SLCO1C1: variants seen among roughly 807,000 people sequenced by gnomAD.
SLCO1C1 encodes OAT-RP-5.
SLCO1C1 carries 70 observed loss-of-function variants against 76.4 expected under a neutral mutation model. The observed-to-expected ratio is 0.92, with a 90% CI of 0.76 to 1.12. The LOEUF is 1.12. Among genes scored for constraint, SLCO1C1 ranks in the 50% most tolerant of loss-of-function variants. The pLI is 0.00. For synonymous variants in SLCO1C1, 306 were observed against 286.1 expected, an observed-to-expected ratio of 1.07 and a Z score of -0.70; for missense variants, 912 against 823.8, an observed-to-expected ratio of 1.11 and a Z score of -1.31.
chr12:20,718,922 G>T (rs185410644), intron 7 of SLCO1C1, among the ~76,000 whole-genome samples: 1 of 152,042 alleles, frequency 6.6e-6, no homozygotes, highest in Non-Finnish European at 1.5e-5. Context: ...TACAGACATA[G>T]CTTGTTTTAT....
intron 3 of SLCO1C1, among the ~76,000 whole-genome samples, chr12:20,705,541 C>T (rs2120636172): frequency 6.6e-6 from 1 of 151,722 alleles, no homozygotes; most frequent in East Asian, 1.9e-4. Flanking sequence ...ATGTGTAGTC[C>T]ATGAGCAATT....
intron 2 of SLCO1C1, 113 bp from the exon 3 acceptor site, chr12:20,701,205 G>C: frequency 9.4e-7 from 1 of 1,058,398 alleles, no homozygotes; most frequent in Non-Finnish European, 1.3e-6. Context: ...TAATAAAGTT[G>C]ATATTATACA....
chr12:20,703,951 GTGTC>G (rs1054890116), intron 3 of SLCO1C1, among the ~76,000 whole-genome samples: 5 of 119,066 alleles, frequency 4.2e-5, no homozygotes, highest in African/African-American at 9.0e-5. Flanking sequence ...TATCTCGAGT[GTGTC>G]TGTGTGTGTG....
chr12:20,715,337 T>C (rs757224295), intron 6 of SLCO1C1, 52 bp downstream of exon 6: 3 of 1,596,402 alleles, frequency 1.9e-6, no homozygotes, highest in Non-Finnish European at 2.6e-6. Flanking sequence ...GGGTGTCTAG[T>C]TTTCTGAATT....
chr12:20,717,543 T>A (rs1947423106), intron 7 of SLCO1C1, among the ~76,000 whole-genome samples: 1 of 151,632 alleles, frequency 6.6e-6, no homozygotes, highest in African/African-American at 2.4e-5. Context: ...TCTTATTGGC[T>A]TCAGGTGTGT....
intron 14 of SLCO1C1, among the ~76,000 whole-genome samples, chr12:20,751,997 G>A (rs974041): frequency 0.45 from 69,093 of 151,882 alleles, 17,222 homozygotes; most frequent in East Asian, 0.6. Flanking sequence ...TACTGGGCCA[G>A]CACTAGCATA....
At position 20,737,172 on chromosome 12, in the gene SLCO1C1, C is replaced by G; in HGVS notation, c.1448C>G (p.Ser483Ter). 1 of 1,564,998 alleles carries G rather than the reference C, an allele frequency of 6.4e-7. No individual in the cohort carries two copies. Among genetic ancestry groups the G allele is most frequent in the Non-Finnish European group, 8.6e-7 (1 of 1,162,062 alleles). Residue 483 changes from serine to a stop codon, truncating the protein, a stop_gained, in exon 11 of 15, where the codon TCA becomes TGA. Transcript: ENST00000266509. LOFTEE classifies it high-confidence loss of function. Reference protein sequence around the residue: ...FSDCNSRCKCSETKWEPMCGE... With the variant: ...FSDCNSRCKC Reference sequence around the variant, plus strand: ...GATTGCAACTCAAGATGCAAATGTTCAGAGACAAAATGGGAACCCATGTGC... The same window carrying G: ...GATTGCAACTCAAGATGCAAATGTTGAGAGACAAAATGGGAACCCATGTGC...
intron 11 of SLCO1C1, among the ~76,000 whole-genome samples, chr12:20,739,556 A>G (rs1358521377): frequency 3.3e-5 from 5 of 152,100 alleles, no homozygotes; most frequent in Non-Finnish European, 7.4e-5. Flanking sequence ...GCCAGGTTTG[A>G]GGGGATGTTT....
At chr12:20,748,279 A>G (rs1949139500) in intron 13 of SLCO1C1, among the ~76,000 whole-genome samples, 1 of 152,222 alleles carries the variant, frequency 6.6e-6, no homozygotes, top group Non-Finnish European at 1.5e-5. Context: ...AATTTAAATT[A>G]CAATGAATAA....
Position 20,740,805 on chromosome 12 carries a change from A to ATATATATATATATATATATATATT in SLCO1C1, c.1733+450_1733+451insATATATATATTTATATATATATAT. Among the ~76,000 whole-genome samples the ATATATATATATATATATATATATT allele has an allele frequency of 1.6e-5, 2 of 128,518 alleles. 1 individual carries two copies. Among genetic ancestry groups the ATATATATATATATATATATATATT allele is most frequent in the Non-Finnish European group, 3.3e-5 (2 of 59,998 alleles). 84.3% of individuals were successfully genotyped at this position (128,518 alleles called of 152,430 possible). A position where few individuals can be genotyped will look rare whatever the true frequency, so the allele number is the denominator to read the frequency against. On this transcript the variant is annotated intron_variant, in intron 12 of 14. Transcript: ENST00000266509. ...ATTTTATTTATATATATATATATAT[A>ATATATATATATATATATATATATT]TATATATATATATGGCTTTATCTGT...
At position 20,740,382 on chromosome 12, in the gene SLCO1C1, C is replaced by T. The variant is rs759763283; in HGVS notation, c.1733+14C>T. ...ATTACTTCTGAGGTGAGTACTGATT[C>T]TCCCTATTCTAATTTTAACACAAGA... On this transcript the variant is annotated intron_variant, in intron 12 of 14. Transcript: ENST00000266509. 6.3e-7 allele frequency: 1 copy of T among 1,590,062 alleles called. No individual in the cohort carries two copies. The highest frequency in any genetic ancestry group is 1.2e-5 in the South Asian group (1 of 85,944).
chr12:20,722,091 T>A (rs1159642946), intron 8 of SLCO1C1, 42 bp downstream of exon 8: 1 of 1,588,492 alleles, frequency 6.3e-7, no homozygotes, highest in Non-Finnish European at 8.5e-7. Context: ...CATTTTTCTG[T>A]TGGGGCTTAA....
Position 20,724,918 on chromosome 12 carries a change from T to C in SLCO1C1, c.1186+1664T>C, listed in dbSNP as rs377430085. On this transcript the variant is annotated intron_variant, in intron 9 of 14. Coordinates refer to ENST00000266509, the MANE Select transcript of SLCO1C1 (RefSeq NM_017435.5). The stretch of plus-strand genomic sequence containing the variant: ...TAATTATACATACAATTATTTATAA[T>C]AGCATTATAAATCATTATGTATTTA... Among the ~76,000 whole-genome samples, 420 of 144,824 alleles carry C rather than the reference T, an allele frequency of 2.9e-3. 16 individuals carry two copies. In the South Asian group the frequency reaches 0.084, roughly 29 times the overall value.
chr12:20,701,211 A>T (rs920635470), intron 2 of SLCO1C1, 107 bp from the exon 3 acceptor site: 8 of 1,128,820 alleles, frequency 7.1e-6, no homozygotes, highest in Non-Finnish European at 5.9e-6. Flanking sequence ...AGTTGATATT[A>T]TACATTGTTC....
chr12:20,723,322 T>G lies in SLCO1C1; in HGVS notation c.1186+68T>G, dbSNP rs573151238. The G allele has an allele frequency of 8.4e-6, 13 of 1,541,506 alleles. No individual in the cohort carries two copies. The East Asian group carries it at 2.3e-4, about 27-fold the overall frequency. The stretch of plus-strand genomic sequence containing the variant: ...TAGAGGTACCTGATTAACTCGGGAA[T>G]CTTCGAGAAGATTCTTCCAAGATTT... On this transcript the variant is annotated intron_variant, in intron 9 of 14. Coordinates refer to ENST00000266509, the MANE Select transcript of SLCO1C1 (RefSeq NM_017435.5).
At chr12:20,714,716 A>G (rs1299749591) in intron 5 of SLCO1C1, among the ~76,000 whole-genome samples, 7 of 152,194 alleles carry the variant, frequency 4.6e-5, no homozygotes, top group Non-Finnish European at 1.0e-4. Context: ...TTTCTGCTGA[A>G]AAATAGAACT....
chr12:20,727,630 T>C (rs1432673289), intron 9 of SLCO1C1, among the ~76,000 whole-genome samples: 8 of 152,202 alleles, frequency 5.3e-5, no homozygotes, highest in Admixed American at 3.9e-4. Context: ...CTGCTTCAGC[T>C]TCCCGAGTAG....
chr12:20,738,842 C>A (rs370737720), intron 11 of SLCO1C1, among the ~76,000 whole-genome samples: 10 of 152,010 alleles, frequency 6.6e-5, no homozygotes, highest in African/African-American at 9.7e-5. Context: ...CACTGAGATA[C>A]AAAGGACTTG....
rs774943448 is a variant in SLCO1C1 at position 20,732,975 on chromosome 12, G to C, written c.1253G>C (p.Arg418Thr). ...FSGGIVMKKFRISVCGAAKLY... is the reference protein window; with the variant it reads ...FSGGIVMKKFTISVCGAAKLY... ...GGGGGGATAGTTATGAAAAAATTCA[G>C]AATCAGTGTGTGTGGAGCTGCAAAA... is the stretch of plus-strand genomic sequence containing the variant. Residue 418 changes from arginine to threonine, a missense_variant, in exon 10 of 15, where the codon AGA becomes ACA. Coordinates refer to ENST00000266509, the MANE Select transcript of SLCO1C1 (RefSeq NM_017435.5). 3 of 1,613,852 alleles carry C rather than the reference G, an allele frequency of 1.9e-6. No individual in the cohort carries two copies. Among genetic ancestry groups the C allele is most frequent in the Non-Finnish European group, 2.5e-6 (3 of 1,179,958 alleles).
Sources: gnomAD v4.1 joint callset for allele counts (sites outside exome capture counted in the v4.1 genomes callset) on GRCh38, gnomAD v4.1.1 for gene constraint, MANE v1.5 for transcripts, NCBI Gene and HGNC (gene_info 2026-07-23, HGNC 2026-07-21) for gene names.